Variants in PSMD14 observed in about 807,000 individuals in gnomAD.
PSMD14 encodes the protein proteasome 26S subunit, non-ATPase 14, also known as ubiquitin C-terminal hydrolase PSMD14.
Under a neutral mutation model 41.2 loss-of-function variants are expected in PSMD14, and 7 were observed. The ratio of observed to expected loss-of-function variants is 0.17; its 90% CI spans 0.10 to 0.32. PSMD14 has a LOEUF of 0.32. PSMD14 is among the 10% of genes least tolerant of loss of function. The pLI is 1.00. For synonymous variants in PSMD14, 114 were observed against 122.3 expected (o/e 0.93, Z 0.45); for missense variants, 139 against 375.6 (o/e 0.37, Z 5.21).
At chr2:161,319,708 C>G (rs561080649) in intron 3 of PSMD14, among the ~76,000 whole-genome samples, 1 of 152,276 alleles carries the variant, frequency 6.6e-6, no homozygotes, top group African/African-American at 2.4e-5. Flanking sequence ...CATTTCCTTA[C>G]TGCTATCAGT....
intron 9 of PSMD14, among the ~76,000 whole-genome samples, chr2:161,392,850 C>A (rs1683731232): frequency 6.6e-6 from 1 of 152,156 alleles, no homozygotes; most frequent in Non-Finnish European, 1.5e-5. Context: ...AAACAAAATT[C>A]ATTCAGAATA....
At chr2:161,384,778 GAA>G (rs1310341607) in intron 7 of PSMD14, 1 of 151,724 alleles carries the variant, frequency 6.6e-6, no homozygotes, top group African/African-American at 2.4e-5. Context: ...CACACAAAAA[GAA>G]TATACTTATT....
At chr2:161,342,569 T>C (rs1272303644) in intron 3 of PSMD14, among the ~76,000 whole-genome samples, 1 of 152,134 alleles carries the variant, frequency 6.6e-6, no homozygotes, top group East Asian at 1.9e-4. Flanking sequence ...CTATTTGAAA[T>C]AAGTTTCTTG....
rs1406764678 is a variant in PSMD14 at position 161,308,482 on chromosome 2, C to A, written c.-260C>A. 1.3e-5 allele frequency: 2 copies of A among 152,290 alleles called. No individual in the cohort carries two copies. The highest frequency in any genetic ancestry group is 2.9e-5 in the Non-Finnish European group (2 of 68,102). The allele number at this position is 152,290 out of a possible 1,614,324, so 9.4% of individuals were successfully genotyped here. A position where few individuals can be genotyped will look rare whatever the true frequency, so the allele number is the denominator to read the frequency against. Reference sequence around the variant, plus strand: ...TTTGAATGGAATCGGGCTGATTCATCGCCGGTTTGCAGACAGAGCCGCGTC... The same window carrying A: ...TTTGAATGGAATCGGGCTGATTCATAGCCGGTTTGCAGACAGAGCCGCGTC... On this transcript the variant is annotated 5_prime_UTR_variant, in exon 1 of 12. Coordinates refer to ENST00000409682, the MANE Select transcript of PSMD14 (RefSeq NM_005805.6).
At chr2:161,311,016 T>A (rs1163743917) in intron 1 of PSMD14, among the ~76,000 whole-genome samples, 1 of 152,142 alleles carries the variant, frequency 6.6e-6, no homozygotes. Flanking sequence ...TGGAAAAAAG[T>A]TGCATCTAGG....
At chr2:161,323,649 T>C (rs1249726066) in intron 3 of PSMD14, among the ~76,000 whole-genome samples, 2 of 151,350 alleles carry the variant, frequency 1.3e-5, no homozygotes, top group Non-Finnish European at 2.9e-5. Flanking sequence ...GGTGACAGAG[T>C]GAGACTATGT....
intron 1 of PSMD14, among the ~76,000 whole-genome samples, chr2:161,308,987 T>C (rs1202445493): frequency 2.0e-5 from 3 of 152,184 alleles, no homozygotes; most frequent in African/African-American, 4.8e-5. Context: ...AACTTTCCCA[T>C]TGAATACGTT....
At chr2:161,327,980 G>GTGTGTGTGTGTT (rs1193776176) in intron 3 of PSMD14, among the ~76,000 whole-genome samples, 1 of 149,004 alleles carries the variant, frequency 6.7e-6, no homozygotes, top group Non-Finnish European at 1.5e-5. Flanking sequence ...GTGTGTGTGT[G>GTGTGTGTGTGTT]TGTGAGATGT....
In PSMD14 at chr2:161,341,290, C is replaced by T. The variant is rs954625244; in HGVS notation, c.48+22417C>T. ...AGAAGGGCCAGCGCGGTGGCCAGCG[C>T]AGGCAGCGCGGCCAGCAGCTCGGCC... On this transcript the variant is annotated intron_variant, in intron 3 of 11. Transcript: ENST00000409682. The T allele has an allele frequency of 3.0e-5, 31 of 1,020,350 alleles. No homozygotes were observed. The African/African-American group carries it at 4.9e-4, about 16-fold the overall frequency. The allele number at this position is 1,020,350 out of a possible 1,614,324, so 63.2% of individuals were successfully genotyped here.
At chr2:161,407,463 C>T (rs992941914) in intron 10 of PSMD14, 2 of 152,052 alleles carry the variant, frequency 1.3e-5, no homozygotes, top group African/African-American at 2.4e-5. Flanking sequence ...TACCTATTCA[C>T]TATCTTTTCT....
chr2:161,389,889 G>GTTGTTGTTTTTT, intron 8 of PSMD14, among the ~76,000 whole-genome samples: 6 of 20,052 alleles, frequency 3.0e-4, no homozygotes, highest in East Asian at 4.4e-3. Flanking sequence ...CTTTTTTGTT[G>GTTGTTGTTTTTT]TTTTTTTTTT....
chr2:161,398,805 T>C (rs1683837807), intron 10 of PSMD14, among the ~76,000 whole-genome samples: 2 of 152,110 alleles, frequency 1.3e-5, no homozygotes, highest in Non-Finnish European at 2.9e-5. Context: ...ACAATTGGTT[T>C]AATACAGTAG....
chr2:161,379,286 CTTA>C (rs1217910744), intron 7 of PSMD14, among the ~76,000 whole-genome samples: 1 of 151,904 alleles, frequency 6.6e-6, no homozygotes, highest in Non-Finnish European at 1.5e-5. Flanking sequence ...TCTCTTGTAG[CTTA>C]TTAGTAGTGC....
chr2:161,310,241 T>C (rs1020624193), intron 1 of PSMD14, among the ~76,000 whole-genome samples: 4 of 152,262 alleles, frequency 2.6e-5, no homozygotes, highest in Admixed American at 2.6e-4. Context: ...CTTGTTAATA[T>C]ATAGTTTGTG....
chr2:161,320,971 C>T (rs1399661974), intron 3 of PSMD14, among the ~76,000 whole-genome samples: 2 of 152,342 alleles, frequency 1.3e-5, no homozygotes, highest in African/African-American at 4.8e-5. Context: ...AGTGATCCAC[C>T]TGCCTCGGCC....
At chr2:161,312,347 TTGGCCAGGCTGGTCTTGAACCCC>T (rs1212613128) in intron 1 of PSMD14, among the ~76,000 whole-genome samples, 3 of 152,132 alleles carry the variant, frequency 2.0e-5, no homozygotes, top group African/African-American at 7.2e-5. Flanking sequence ...TTTTGCCATG[TTGGCCAGGCTGGTCTTGAACCCC>T]TGACCTCAAG....
intron 2 of PSMD14, 92 bp downstream of exon 2, chr2:161,316,661 A>G (rs370984071): frequency 6.6e-6 from 1 of 152,340 alleles, no homozygotes; most frequent in South Asian, 2.1e-4. Flanking sequence ...ACAGATGTCA[A>G]ATTATGAATG....
At chr2:161,352,606 A>G (rs1379175725) in intron 3 of PSMD14, among the ~76,000 whole-genome samples, 3 of 152,108 alleles carry the variant, frequency 2.0e-5, no homozygotes, top group Non-Finnish European at 2.9e-5. Flanking sequence ...TGCATGTCAT[A>G]CTATCTGCCA....
chr2:161,355,510 T>A (rs1476147148), intron 3 of PSMD14, among the ~76,000 whole-genome samples: 1 of 152,176 alleles, frequency 6.6e-6, no homozygotes, highest in South Asian at 2.1e-4. Context: ...AAGCAATGCA[T>A]CATTATTTTG....
Sources: gnomAD v4.1 joint callset for allele counts (sites outside exome capture counted in the v4.1 genomes callset) on GRCh38, gnomAD v4.1.1 for gene constraint, MANE v1.5 for transcripts, NCBI Gene and HGNC (gene_info 2026-07-23, HGNC 2026-07-21) for gene names.